The following FANCL variants were observed in gnomAD, a reference collection of about 807,000 sequenced individuals.
The protein encoded by FANCL is E3 ubiquitin-protein ligase FANCL.
FANCL carries 69 observed loss-of-function variants against 59.4 expected under a neutral mutation model. The observed-to-expected ratio is 1.16, with a 90% CI of 0.96 to 1.42. The LOEUF is 1.42. Ranked by LOEUF, FANCL falls within the 40% of genes most tolerant of loss-of-function variation. The pLI, the probability that FANCL is intolerant of heterozygous loss-of-function variation, is 0.00. For missense variants in FANCL, 519 were observed against 447.2 expected (o/e 1.16, Z -1.45); for synonymous variants, 180 against 147.1 (o/e 1.22, Z -1.62).
intron 5 of FANCL, among the ~76,000 whole-genome samples, chr2:58,209,380 ATTTTT>A (rs968306938): frequency 6.7e-6 from 1 of 150,248 alleles, no homozygotes; most frequent in Admixed American, 6.7e-5. Context: ...GAAAAACATG[ATTTTT>A]TTTTTACTAC....
intron 12 of FANCL, among the ~76,000 whole-genome samples, chr2:58,160,380 TG>T (rs1558728851): frequency 6.6e-6 from 1 of 152,036 alleles, no homozygotes; most frequent in Non-Finnish European, 1.5e-5. Context: ...GAAATCAACA[TG>T]GAATTGAAGG....
chr2:58,207,609 T>G (rs923923321), intron 5 of FANCL, among the ~76,000 whole-genome samples: 3 of 152,222 alleles, frequency 2.0e-5, no homozygotes, highest in Non-Finnish European at 2.9e-5. Flanking sequence ...TTTCTCTTTG[T>G]TAATAGTGGC....
intron 7 of FANCL, among the ~76,000 whole-genome samples, chr2:58,167,610 T>C (rs904874454): frequency 6.6e-6 from 1 of 152,232 alleles, no homozygotes; most frequent in African/African-American, 2.4e-5. Flanking sequence ...TAATTGCATT[T>C]TGAACAGAAA....
At chr2:58,227,861 G>C (rs1231175019) in intron 3 of FANCL, among the ~76,000 whole-genome samples, 1 of 151,624 alleles carries the variant, frequency 6.6e-6, no homozygotes, top group Non-Finnish European at 1.5e-5. Flanking sequence ...ACTATGTCTA[G>C]CAAATCTAAC....
intron 7 of FANCL, among the ~76,000 whole-genome samples, chr2:58,180,265 G>A (rs547863813): frequency 6.6e-6 from 1 of 152,042 alleles, no homozygotes; most frequent in South Asian, 2.1e-4. Flanking sequence ...ATAAAGACAT[G>A]CATACATATG....
At chr2:58,162,466 G>T (rs1685335313) in intron 11 of FANCL, among the ~76,000 whole-genome samples, 1 of 151,834 alleles carries the variant, frequency 6.6e-6, no homozygotes, top group South Asian at 2.1e-4. Flanking sequence ...AACAACATGG[G>T]TTTGAACTGC....
intron 7 of FANCL, among the ~76,000 whole-genome samples, chr2:58,188,824 G>C (rs1395684152): frequency 1.3e-5 from 2 of 150,414 alleles, no homozygotes; most frequent in Admixed American, 1.3e-4. Flanking sequence ...TGAATCTCTA[G>C]ATCAATTTGG....
Position 58,162,943 on chromosome 2 carries a change from G to A in FANCL, c.826C>T (p.Pro276Ser). Residue 276 changes from proline to serine, a missense_variant, in exon 11 of 14, where the codon CCA becomes TCA. Physicochemically the swap from Pro to Ser is moderately conservative, Grantham distance 74 (BLOSUM62 -1). Coordinates refer to ENST00000233741, the MANE Select transcript of FANCL (RefSeq NM_018062.4). Reference protein sequence around the residue: ...KLSRNIHLWDPENSVLQNLKD... With the variant: ...KLSRNIHLWDSENSVLQNLKD... Reference sequence around the variant, plus strand: ...AAATTTTGTAACACACTATTTTCTGGATCCCTGAAAGCATGGGGAAAAAAA... The same window carrying A: ...AAATTTTGTAACACACTATTTTCTGAATCCCTGAAAGCATGGGGAAAAAAA... 6.2e-7 allele frequency: 1 copy of A among 1,612,668 alleles called. No individual in the cohort carries two copies. Among genetic ancestry groups the A allele is most frequent in the Non-Finnish European group, 8.5e-7 (1 of 1,179,090 alleles).
Position 58,159,545 on chromosome 2 carries a change from G to A in FANCL, c.*220C>T. The A allele has an allele frequency of 3.7e-6, 6 of 1,613,668 alleles. No individual in the cohort carries two copies. Among genetic ancestry groups the A allele is most frequent in the Non-Finnish European group, 4.2e-6 (5 of 1,179,778 alleles). ...AAATACACTTCCACAGTCAGCACGG[G>A]GATCACAGACTTAGAAAGTTCAACT... On this transcript the variant is annotated 3_prime_UTR_variant, in exon 14 of 14. Coordinates refer to ENST00000233741, the MANE Select transcript of FANCL (RefSeq NM_018062.4).
At chr2:58,227,892 TAAAGAAGAAGAG>T (rs1176570756) in intron 3 of FANCL, among the ~76,000 whole-genome samples, 1 of 151,398 alleles carries the variant, frequency 6.6e-6, no homozygotes, top group African/African-American at 2.4e-5. Context: ...TTACTTTTTT[TAAAGAAGAAGAG>T]AAAGAAGAGG....
intron 5 of FANCL, among the ~76,000 whole-genome samples, chr2:58,215,621 T>C (rs916834890): frequency 2.0e-5 from 3 of 151,154 alleles, no homozygotes; most frequent in Admixed American, 1.3e-4. Flanking sequence ...GCCATTTTCC[T>C]CAATATATTT....
At chr2:58,217,193 T>C (rs1206454713) in intron 5 of FANCL, among the ~76,000 whole-genome samples, 10 of 13,672 alleles carry the variant, frequency 7.3e-4, no homozygotes, top group African/African-American at 1.8e-3. Context: ...TATATATATA[T>C]ATATATATAT....
intron 7 of FANCL, among the ~76,000 whole-genome samples, chr2:58,169,558 A>T (rs201828459): frequency 1.3e-5 from 2 of 152,258 alleles, no homozygotes; most frequent in South Asian, 4.1e-4. Context: ...TGAGTTTGAC[A>T]AACTGACAGA....
chr2:58,190,901 T>C (rs1186622975), intron 7 of FANCL, among the ~76,000 whole-genome samples: 1 of 151,928 alleles, frequency 6.6e-6, no homozygotes, highest in East Asian at 1.9e-4. Flanking sequence ...GGGGGGAATA[T>C]TTTCTAGCTC....
chr2:58,163,288 T>C, intron 9 of FANCL, 146 bp downstream of exon 9: 1 of 745,538 alleles, frequency 1.3e-6, no homozygotes, highest in Non-Finnish European at 2.3e-6. Context: ...GCCATTACAC[T>C]ACATACTGGG....
intron 5 of FANCL, among the ~76,000 whole-genome samples, chr2:58,210,179 T>C (rs1040342219): frequency 1.3e-5 from 2 of 152,240 alleles, no homozygotes; most frequent in African/African-American, 2.4e-5. Context: ...TCTGTTTTCA[T>C]GCTGCTAAGA....
intron 7 of FANCL, among the ~76,000 whole-genome samples, chr2:58,197,394 A>G (rs1004816060): frequency 1.3e-5 from 2 of 152,146 alleles, no homozygotes; most frequent in African/African-American, 4.8e-5. Context: ...CATTTACGGA[A>G]TATTTGTAAA....
chr2:58,241,238 C>G lies in FANCL; in HGVS notation c.76G>C (p.Glu26Gln), dbSNP rs1694515857. Reference protein sequence around the residue: ...LPQNRSKTVYEGFISAQGRDF... With the variant: ...LPQNRSKTVYQGFISAQGRDF... ...GGTACCTGAGCCGAGATGAATCCCT[C>G]ATACACGGTTTTCGACCGGTTCTGG... The change falls in exon 1 of 14, where the codon GAG (glutamate) becomes CAG (glutamine). Residue 26 changes from glutamate (E) to glutamine (Q), a missense_variant. Physicochemically the swap from Glu to Gln is conservative, Grantham distance 29. Coordinates refer to ENST00000233741, the MANE Select transcript of FANCL (RefSeq NM_018062.4). 9 of 1,614,162 alleles carry G rather than the reference C, an allele frequency of 5.6e-6. No individual in the cohort carries two copies. Among genetic ancestry groups the G allele is most frequent in the South Asian group, 2.2e-5 (2 of 91,094 alleles).
At chr2:58,204,060 T>TGAGA in intron 6 of FANCL, 70 bp downstream of exon 6, 1 of 1,145,924 alleles carries the variant, frequency 8.7e-7, no homozygotes, top group South Asian at 1.2e-5. Context: ...TTCTTTACAT[T>TGAGA]GAGAGCATTC....
Sources: gnomAD v4.1 joint callset for allele counts (sites outside exome capture counted in the v4.1 genomes callset) on GRCh38, gnomAD v4.1.1 for gene constraint, MANE v1.5 for transcripts, NCBI Gene and HGNC (gene_info 2026-07-23, HGNC 2026-07-21) for gene names.